Variants in CHST11 observed in about 807,000 individuals in gnomAD.
CHST11 encodes the protein carbohydrate sulfotransferase 11.
In CHST11, 9 loss-of-function variants were observed where a neutral mutation model predicts 30.4. That is an observed-to-expected ratio of 0.30 (90% CI 0.18 to 0.52). The LOEUF is 0.52. Ranked by LOEUF, CHST11 falls within the 20% of genes least tolerant of loss-of-function variation. The pLI, the probability that CHST11 is intolerant of heterozygous loss-of-function variation, is 0.97. For missense variants in CHST11, 348 were observed against 460.6 expected, an observed-to-expected ratio of 0.76 and a Z score of 2.24; for synonymous variants, 152 against 187.8, an observed-to-expected ratio of 0.81 and a Z score of 1.56.
At chr12:104,652,730 G>T (rs900837060) in intron 2 of CHST11, among the ~76,000 whole-genome samples, 1 of 152,214 alleles carries the variant, frequency 6.6e-6, no homozygotes, top group Admixed American at 6.5e-5. Context: ...CAGGGCTCCC[G>T]GGTTGAAATG....
Position 104,756,942 on chromosome 12 carries a change from T to C in CHST11, c.205-7T>C, listed in dbSNP as rs1432864035. ...GAGTTCTTATTCGTCTTGTGTCTCC[T>C]CTGCAGCTGGAGCTCTCAAACACTG... On this transcript the variant is annotated splice_polypyrimidine_tract_variant and splice_region_variant and intron_variant, in intron 2 of 2. Transcript: ENST00000303694. 1 of 1,607,808 alleles carries C rather than the reference T, an allele frequency of 6.2e-7. No homozygotes were observed. Among genetic ancestry groups the C allele is most frequent in the Non-Finnish European group, 8.5e-7 (1 of 1,176,480 alleles).
chr12:104,688,042 A>G (rs949041336), intron 2 of CHST11, among the ~76,000 whole-genome samples: 2 of 152,170 alleles, frequency 1.3e-5, no homozygotes, highest in African/African-American at 4.8e-5. Context: ...ATGGCATCAG[A>G]TGGGCCTTCT....
intron 2 of CHST11, among the ~76,000 whole-genome samples, chr12:104,610,779 C>T (rs1240499006): frequency 6.6e-6 from 1 of 152,188 alleles, no homozygotes; most frequent in East Asian, 1.9e-4. Context: ...GTCTGATGGA[C>T]CACGCAGATC....
At chr12:104,496,317 T>TA (rs936872752) in intron 1 of CHST11, among the ~76,000 whole-genome samples, 5 of 152,208 alleles carry the variant, frequency 3.3e-5, no homozygotes, top group Non-Finnish European at 4.4e-5. Context: ...GCCTGTCAAA[T>TA]AAAAAATCAA....
chr12:104,496,545 C>A (rs1309350795), intron 1 of CHST11, among the ~76,000 whole-genome samples: 3 of 152,158 alleles, frequency 2.0e-5, no homozygotes, highest in Non-Finnish European at 2.9e-5. Context: ...AGTTGGGGGA[C>A]CAATTCCACA....
At chr12:104,474,853 A>G (rs984432917) in intron 1 of CHST11, among the ~76,000 whole-genome samples, 1 of 152,164 alleles carries the variant, frequency 6.6e-6, no homozygotes, top group African/African-American at 2.4e-5. Context: ...CAGTTTTCAA[A>G]CTACTCCTCT....
chr12:104,698,841 C>T (rs185109949), intron 2 of CHST11, among the ~76,000 whole-genome samples: 1 of 152,158 alleles, frequency 6.6e-6, no homozygotes, highest in African/African-American at 2.4e-5. Context: ...CTAAAGCAAG[C>T]ACTGTTTACT....
intron 1 of CHST11, among the ~76,000 whole-genome samples, chr12:104,545,164 C>CA (rs1168176829): frequency 2.4e-5 from 3 of 122,656 alleles, no homozygotes; most frequent in Admixed American, 8.8e-5. Flanking sequence ...AATTGAAAAG[C>CA]AAAAAAATCA....
At chr12:104,533,586 C>T (rs903397257) in intron 1 of CHST11, among the ~76,000 whole-genome samples, 1 of 152,106 alleles carries the variant, frequency 6.6e-6, no homozygotes, top group Non-Finnish European at 1.5e-5. Flanking sequence ...GACTTGACAA[C>T]TAAAAAAATG....
intron 2 of CHST11, among the ~76,000 whole-genome samples, chr12:104,628,797 T>C (rs2039244053): frequency 6.6e-6 from 1 of 152,314 alleles, no homozygotes; most frequent in Non-Finnish European, 1.5e-5. Flanking sequence ...CTAGGGCTGG[T>C]CACATGTTCC....
chr12:104,707,127 A>G (rs1195086346), intron 2 of CHST11, among the ~76,000 whole-genome samples: 1 of 152,204 alleles, frequency 6.6e-6, no homozygotes, highest in East Asian at 1.9e-4. Context: ...ACCACCTGAA[A>G]TGATGGAAGT....
chr12:104,592,004 CCTT>C (rs146398822), intron 1 of CHST11, among the ~76,000 whole-genome samples: 45,799 of 151,528 alleles, frequency 0.3, 7,270 homozygotes, highest in East Asian at 0.44. Context: ...GGACAGATCA[CCTT>C]CTATCCTGCA....
intron 1 of CHST11, among the ~76,000 whole-genome samples, chr12:104,502,908 C>T (rs1223769801): frequency 1.3e-5 from 2 of 152,198 alleles, no homozygotes; most frequent in African/African-American, 4.8e-5. Flanking sequence ...ATAGGAATCG[C>T]CTGGAGTTCT....
intron 2 of CHST11, among the ~76,000 whole-genome samples, chr12:104,688,257 C>T (rs1277242201): frequency 1.3e-5 from 2 of 152,084 alleles, no homozygotes; most frequent in Non-Finnish European, 2.9e-5. Context: ...TGACAGATTC[C>T]TGGAGCTCTT....
At chr12:104,592,518 C>T (rs1464125404) in intron 1 of CHST11, among the ~76,000 whole-genome samples, 1 of 152,082 alleles carries the variant, frequency 6.6e-6, no homozygotes, top group Non-Finnish European at 1.5e-5. Context: ...ACCCCCATGA[C>T]CAAATCACCT....
intron 1 of CHST11, among the ~76,000 whole-genome samples, chr12:104,479,423 G>A (rs1195655583): frequency 6.6e-6 from 1 of 152,104 alleles, no homozygotes; most frequent in African/African-American, 2.4e-5. Context: ...TTTGTTTACT[G>A]TCATCCCCAG....
intron 1 of CHST11, among the ~76,000 whole-genome samples, chr12:104,570,253 C>T (rs932704932): frequency 4.6e-5 from 7 of 152,166 alleles, no homozygotes; most frequent in Admixed American, 1.3e-4. Flanking sequence ...TCCTCTTTTC[C>T]TCACTGTCTT....
rs766894807 is a variant in CHST11 at position 104,709,077 on chromosome 12, C to T, written c.205-47872C>T. Among the ~76,000 whole-genome samples, 8 of 152,202 alleles carry T rather than the reference C, an allele frequency of 5.3e-5. 1 individual carries two copies. The highest frequency in any genetic ancestry group is 2.0e-4 in the Admixed American group (3 of 15,280). ...GGAGCAAAGCACCAAGACCCGGTTT[C>T]GGCTTTACATTTGCCTTCAGAGCAA... On this transcript the variant is annotated intron_variant, in intron 2 of 2. Transcript: ENST00000303694.
At chr12:104,703,050 C>T (rs575463706) in intron 2 of CHST11, among the ~76,000 whole-genome samples, 3 of 152,316 alleles carry the variant, frequency 2.0e-5, no homozygotes, top group Admixed American at 6.5e-5. Context: ...GCTGGCTTCT[C>T]GCATTCCCCA....
Sources: allele counts gnomAD v4.1 joint callset (sites outside exome capture counted in the v4.1 genomes callset), GRCh38; gene constraint gnomAD v4.1.1; transcripts MANE v1.5; gene names NCBI Gene and HGNC (gene_info 2026-07-23, HGNC 2026-07-21).